Variants in SUPT3H observed in about 807,000 individuals in gnomAD.
SUPT3H encodes SPT3 homolog, SAGA and STAGA complex component.
A neutral mutation model predicts 44.3 loss-of-function variants in SUPT3H; 44 were observed. The observed-to-expected ratio is 0.99, with a 90% CI of 0.78 to 1.28. The LOEUF (loss-of-function observed/expected upper bound fraction) is 1.28, where lower values mean the gene tolerates loss of function less well. Among genes scored for constraint, SUPT3H ranks in the 50% most tolerant of loss-of-function variants. The probability of loss-of-function intolerance (pLI) is 0.00; values close to 1 mark genes in which losing one functional copy is unlikely to be tolerated. For missense variants in SUPT3H, 380 were observed against 387.1 expected (o/e 0.98, Z 0.15); for synonymous variants, 124 against 125.6 (o/e 0.99, Z 0.09).
chr6:45,304,186 A>C (rs1253585512), intron 2 of SUPT3H, among the ~76,000 whole-genome samples: 1 of 152,166 alleles, frequency 6.6e-6, no homozygotes, highest in African/African-American at 2.4e-5. Flanking sequence ...ATCTATTTAA[A>C]TGTGTAAACA....
intron 7 of SUPT3H, 29 bp downstream of exon 7, chr6:44,961,724 T>C: frequency 6.5e-7 from 1 of 1,548,656 alleles, no homozygotes; most frequent in South Asian, 1.2e-5. Flanking sequence ...CTTATGCATA[T>C]AATTAAGCAA....
chr6:45,093,431 C>G (rs1797395492), intron 3 of SUPT3H, among the ~76,000 whole-genome samples: 1 of 151,906 alleles, frequency 6.6e-6, no homozygotes, highest in African/African-American at 2.4e-5. Flanking sequence ...AAACTTAACA[C>G]TAATCAAGAG....
chr6:45,160,456 G>A (rs1209255579), intron 2 of SUPT3H, among the ~76,000 whole-genome samples: 1 of 152,108 alleles, frequency 6.6e-6, no homozygotes, highest in Non-Finnish European at 1.5e-5. Flanking sequence ...GATATAAAGA[G>A]ATTTTCCATA....
chr6:45,070,227 A>G (rs1794160767), intron 3 of SUPT3H, among the ~76,000 whole-genome samples: 1 of 152,112 alleles, frequency 6.6e-6, no homozygotes. Flanking sequence ...TATCCAATAA[A>G]CCCATTTTAT....
chr6:45,125,731 C>T (rs1725596462), intron 2 of SUPT3H, among the ~76,000 whole-genome samples: 1 of 151,584 alleles, frequency 6.6e-6, no homozygotes, highest in South Asian at 2.1e-4. Context: ...ACTCTCATTT[C>T]TAGCAGTGAT....
At chr6:45,179,435 T>C (rs1237493704) in intron 2 of SUPT3H, among the ~76,000 whole-genome samples, 1 of 152,164 alleles carries the variant, frequency 6.6e-6, no homozygotes, top group Non-Finnish European at 1.5e-5. Context: ...AATAGGAGAA[T>C]TTTAGACCAA....
In SUPT3H at chr6:45,152,979, C is replaced by T. The variant is rs1298413101; in HGVS notation, c.102-46973G>A. Among the ~76,000 whole-genome samples the T allele has an allele frequency of 2.6e-5, 4 of 152,160 alleles. No homozygotes were observed. The East Asian group carries it at 7.7e-4, about 29-fold the overall frequency. ...GCCTTTGTGATGTTCCTCAAACACA[C>T]CAAATACATTCCTCCCTAAACATCT... On this transcript the variant is annotated intron_variant, in intron 2 of 10. Coordinates refer to ENST00000371459, the MANE Select transcript of SUPT3H (RefSeq NM_003599.4).
chr6:45,065,745 C>T (rs1422294184), intron 3 of SUPT3H, among the ~76,000 whole-genome samples: 1 of 151,588 alleles, frequency 6.6e-6, no homozygotes, highest in Non-Finnish European at 1.5e-5. Context: ...ATACACTCTC[C>T]CAAGACTAAA....
chr6:44,888,096 G>C (rs368483254), intron 10 of SUPT3H, among the ~76,000 whole-genome samples: 61 of 152,184 alleles, frequency 4.0e-4, no homozygotes, highest in African/African-American at 6.3e-4. Context: ...AGACCAATAA[G>C]AGGCTCTGAA....
intron 2 of SUPT3H, among the ~76,000 whole-genome samples, chr6:45,167,195 T>C (rs959992324): frequency 2.0e-5 from 3 of 152,182 alleles, no homozygotes; most frequent in African/African-American, 7.2e-5. Context: ...GTAGGTACTA[T>C]AAAAGCTAGC....
rs143264386 is a variant in SUPT3H, at chr6:44,976,848, C to T, written c.505-15020G>A. On this transcript the variant is annotated intron_variant, in intron 6 of 10. Transcript: ENST00000371459. ...GTATAGGTATTTCAAGTAGCCTGAA[C>T]ACAATGGCTGTCCCTTGAGCTTCTA... 2.1e-3 allele frequency among the ~76,000 whole-genome samples: 327 copies of T among 152,322 alleles called. 1 individual carries two copies. Among genetic ancestry groups the T allele is most frequent in the African/African-American group, 7.5e-3 (313 of 41,576 alleles).
chr6:45,196,332 A>T (rs1453270562), intron 2 of SUPT3H, among the ~76,000 whole-genome samples: 1 of 152,092 alleles, frequency 6.6e-6, no homozygotes, highest in East Asian at 1.9e-4. Flanking sequence ...TCTACTGCAA[A>T]CATAAATAGC....
chr6:45,304,102 C>T (rs1003080289), intron 2 of SUPT3H, among the ~76,000 whole-genome samples: 2 of 152,038 alleles, frequency 1.3e-5, no homozygotes, highest in African/African-American at 4.8e-5. Context: ...TAGTATACTA[C>T]AGATCAGGAT....
intron 3 of SUPT3H, chr6:45,098,895 T>C: frequency 1.8e-6 from 1 of 541,464 alleles, no homozygotes; most frequent in South Asian, 1.4e-5. Context: ...TCAATGGCTG[T>C]AGACTCAACA....
intron 2 of SUPT3H, among the ~76,000 whole-genome samples, chr6:45,192,504 T>C (rs1815313939): frequency 6.6e-6 from 1 of 152,154 alleles, no homozygotes; most frequent in Non-Finnish European, 1.5e-5. Flanking sequence ...AAAGAGTATG[T>C]TTATAACCCA....
chr6:44,981,410 A>G (rs1226153842), intron 6 of SUPT3H, among the ~76,000 whole-genome samples: 1 of 152,240 alleles, frequency 6.6e-6, no homozygotes, highest in East Asian at 1.9e-4. Flanking sequence ...TTGAAAAGGA[A>G]TGGACTGGGT....
At chr6:44,944,300 A>T (rs1006012970) in intron 9 of SUPT3H, among the ~76,000 whole-genome samples, 5 of 152,134 alleles carry the variant, frequency 3.3e-5, no homozygotes, top group African/African-American at 1.2e-4. Flanking sequence ...TCAATATATA[A>T]ATTAAAGGGA....
intron 6 of SUPT3H, among the ~76,000 whole-genome samples, chr6:44,968,091 C>T (rs1000557541): frequency 6.6e-6 from 1 of 152,008 alleles, no homozygotes; most frequent in African/African-American, 2.4e-5. Context: ...CTGCACCTGG[C>T]CAAAAAATTT....
chr6:45,114,977 A>G (rs1251197939), intron 2 of SUPT3H, among the ~76,000 whole-genome samples: 1 of 152,194 alleles, frequency 6.6e-6, no homozygotes, highest in Non-Finnish European at 1.5e-5. Context: ...CGCTAAATGA[A>G]CATCTATTAA....
Sources: allele counts gnomAD v4.1 joint callset (sites outside exome capture counted in the v4.1 genomes callset), GRCh38; gene constraint gnomAD v4.1.1; transcripts MANE v1.5; gene names NCBI Gene and HGNC (gene_info 2026-07-23, HGNC 2026-07-21).